GRIN3A: variants seen among roughly 807,000 people sequenced by gnomAD.
The protein encoded by GRIN3A is glutamate ionotropic receptor NMDA type subunit 3A, also known as glutamate receptor ionotropic, NMDA 3A.
In GRIN3A, 47 loss-of-function variants were observed where a neutral mutation model predicts 92.4. The observed-to-expected ratio is 0.51, with a 90% CI of 0.40 to 0.65. The LOEUF is 0.65. GRIN3A is among the 30% of genes least tolerant of loss of function. GRIN3A has a pLI of 0.00. For missense variants in GRIN3A, 1,324 were observed against 1,393.1 expected (o/e 0.95, Z 0.79); for synonymous variants, 527 against 540.6 (o/e 0.97, Z 0.35).
chr9:101,683,843 A>G (rs1253411963), intron 2 of GRIN3A, among the ~76,000 whole-genome samples: 1 of 71,612 alleles, frequency 1.4e-5, no homozygotes, highest in Non-Finnish European at 2.6e-5. Flanking sequence ...AGAGAGAGAG[A>G]CAGTGAGAGA....
chr9:101,722,748 C>T (rs202219374), intron 1 of GRIN3A, among the ~76,000 whole-genome samples: 12 of 152,140 alleles, frequency 7.9e-5, no homozygotes, highest in Non-Finnish European at 1.8e-4. Context: ...CAATTTCTCC[C>T]ATATAGAACG....
At chr9:101,630,436 C>T (rs558656096) in intron 3 of GRIN3A, among the ~76,000 whole-genome samples, 62 of 152,250 alleles carry the variant, frequency 4.1e-4, no homozygotes, top group African/African-American at 1.4e-3. Flanking sequence ...TGCATTATCT[C>T]CTTTGATCCT....
intron 6 of GRIN3A, among the ~76,000 whole-genome samples, chr9:101,598,066 A>AT (rs1216090796): frequency 6.6e-6 from 1 of 152,216 alleles, no homozygotes; most frequent in Non-Finnish European, 1.5e-5. Flanking sequence ...ATAATAATCT[A>AT]TAGCAGTGCT....
intron 1 of GRIN3A, among the ~76,000 whole-genome samples, chr9:101,727,760 T>G (rs1229787546): frequency 6.6e-6 from 1 of 151,504 alleles, no homozygotes; most frequent in African/African-American, 2.4e-5. Context: ...TAATAGCTGC[T>G]TGGAATCCTT....
At chr9:101,607,455 A>G (rs1311952080) in intron 6 of GRIN3A, among the ~76,000 whole-genome samples, 1 of 152,158 alleles carries the variant, frequency 6.6e-6, no homozygotes, top group African/African-American at 2.4e-5. Context: ...GTAAACCGAA[A>G]AATGGAATCC....
chr9:101,662,797 AC>A, intron 3 of GRIN3A, among the ~76,000 whole-genome samples: 1 of 151,936 alleles, frequency 6.6e-6, no homozygotes, highest in South Asian at 2.1e-4. Context: ...TGGTACATTA[AC>A]AAATTTTTTC....
intron 1 of GRIN3A, among the ~76,000 whole-genome samples, chr9:101,696,982 T>A (rs749865698): frequency 4.6e-5 from 7 of 152,212 alleles, no homozygotes; most frequent in Non-Finnish European, 1.0e-4. Flanking sequence ...CTAATTGTGA[T>A]GTAATATGCC....
At chr9:101,707,130 C>T (rs1254291534) in intron 1 of GRIN3A, among the ~76,000 whole-genome samples, 2 of 152,180 alleles carry the variant, frequency 1.3e-5, no homozygotes, top group South Asian at 2.1e-4. Flanking sequence ...GTGCAAACAG[C>T]AGGTTAAAAA....
At chr9:101,624,787 G>C (rs141512973) in intron 4 of GRIN3A, among the ~76,000 whole-genome samples, 260 of 152,282 alleles carry the variant, frequency 1.7e-3, no homozygotes, top group Middle Eastern at 6.8e-3. Context: ...CTAGATCCCT[G>C]AGGAATGGCC....
At chr9:101,662,496 T>C (rs1216291754) in intron 3 of GRIN3A, among the ~76,000 whole-genome samples, 2 of 151,788 alleles carry the variant, frequency 1.3e-5, no homozygotes, top group African/African-American at 4.8e-5. Context: ...ATGTGGGAAA[T>C]GGTCAATGAA....
At chr9:101,640,535 A>G (rs1828843124) in intron 3 of GRIN3A, among the ~76,000 whole-genome samples, 1 of 152,212 alleles carries the variant, frequency 6.6e-6, no homozygotes, top group Non-Finnish European at 1.5e-5. Context: ...ATTTGACATA[A>G]CCAGAATGTT....
intron 2 of GRIN3A, among the ~76,000 whole-genome samples, chr9:101,684,889 A>C (rs1829511903): frequency 6.6e-6 from 1 of 152,340 alleles, no homozygotes; most frequent in South Asian, 2.1e-4. Flanking sequence ...TTGAAATTAT[A>C]AATCAAAACT....
intron 5 of GRIN3A, among the ~76,000 whole-genome samples, chr9:101,618,990 A>T (rs921072890): frequency 6.6e-6 from 1 of 152,216 alleles, no homozygotes; most frequent in East Asian, 1.9e-4. Context: ...CATCCTGGAA[A>T]TTGGATACAG....
At chr9:101,732,788 A>G (rs770849676) in intron 1 of GRIN3A, among the ~76,000 whole-genome samples, 11 of 152,208 alleles carry the variant, frequency 7.2e-5, no homozygotes, top group African/African-American at 1.2e-4. Context: ...TTTCCAAAGT[A>G]CTTTTACTTT....
intron 2 of GRIN3A, among the ~76,000 whole-genome samples, chr9:101,675,828 A>T (rs1017133503): frequency 2.0e-5 from 3 of 152,010 alleles, no homozygotes; most frequent in Non-Finnish European, 4.4e-5. Context: ...ATTCTCTGTG[A>T]AATGTTAACT....
intron 8 of GRIN3A, among the ~76,000 whole-genome samples, chr9:101,573,773 ATT>A (rs5899448): frequency 0.18 from 16,839 of 92,526 alleles, 954 homozygotes; most frequent in African/African-American, 0.26. Context: ...GGTATGGTGC[ATT>A]TTTTTTTTTT....
At chr9:101,706,222 A>G (rs1238108114) in intron 1 of GRIN3A, among the ~76,000 whole-genome samples, 3 of 152,220 alleles carry the variant, frequency 2.0e-5, no homozygotes, top group African/African-American at 7.2e-5. Flanking sequence ...AAAGAAATAC[A>G]GATAGAGGTG....
At chr9:101,622,762 G>A (rs73494618) in intron 5 of GRIN3A, among the ~76,000 whole-genome samples, 5,783 of 152,130 alleles carry the variant, frequency 0.038, 350 homozygotes, top group African/African-American at 0.13. Flanking sequence ...GTTATGTAAT[G>A]TCCCTGGGCT....
chr9:101,587,107 C>T (rs927247692), intron 6 of GRIN3A, among the ~76,000 whole-genome samples: 5 of 152,008 alleles, frequency 3.3e-5, no homozygotes, highest in South Asian at 2.1e-4. Context: ...GTCAGGAGTT[C>T]GAGACCAGCC....
Sources: gnomAD v4.1 joint callset for allele counts (sites outside exome capture counted in the v4.1 genomes callset) on GRCh38, gnomAD v4.1.1 for gene constraint, MANE v1.5 for transcripts, NCBI Gene and HGNC (gene_info 2026-07-23, HGNC 2026-07-21) for gene names.